Variants in NKD1 observed in about 807,000 individuals in gnomAD.
The protein encoded by NKD1 is NKD inhibitor of Wnt signaling pathway 1, also known as protein naked cuticle homolog 1.
Under a neutral mutation model 56.0 loss-of-function variants are expected in NKD1, and 21 were observed. The observed-to-expected ratio is 0.38, with a 90% CI of 0.27 to 0.54. The LOEUF is 0.54. Ranked by LOEUF, NKD1 falls within the 20% of genes least tolerant of loss-of-function variation. The pLI is 0.82. For missense variants in NKD1, 578 were observed against 642.7 expected, an observed-to-expected ratio of 0.90 and a Z score of 1.09; for synonymous variants, 263 against 265.7, an observed-to-expected ratio of 0.99 and a Z score of 0.10.
At chr16:50,629,264 C>G (rs1371862014) in intron 6 of NKD1, among the ~76,000 whole-genome samples, 1 of 152,148 alleles carries the variant, frequency 6.6e-6, no homozygotes, top group Non-Finnish European at 1.5e-5. Flanking sequence ...CCCTAGCTCT[C>G]CTCTTCTTCT....
At chr16:50,564,941 C>T (rs1004532264) in intron 3 of NKD1, among the ~76,000 whole-genome samples, 59 of 152,324 alleles carry the variant, frequency 3.9e-4, no homozygotes, top group African/African-American at 1.4e-3. Context: ...TAGTGGGCTC[C>T]TCAAGATACT....
rs894440684 is a variant in NKD1 at position 50,641,712 on chromosome 16, A to C, written c.*7931A>C. 4.6e-5 allele frequency: 7 copies of C among 152,242 alleles called. No individual in the cohort carries two copies. Among genetic ancestry groups the C allele is most frequent in the Non-Finnish European group, 7.3e-5 (5 of 68,080 alleles). 9.4% of individuals were successfully genotyped at this position (152,242 alleles called of 1,614,324 possible). ...CTAAGTTTTGGAGGTCAGTGATGCC[A>C]CTTAAAAACCTGTTCAGGGCAGAGC... is the stretch of plus-strand genomic sequence containing the variant. On this transcript the variant is annotated 3_prime_UTR_variant, in exon 10 of 10. Transcript: ENST00000268459.
intron 3 of NKD1, among the ~76,000 whole-genome samples, chr16:50,590,842 G>T (rs1331562542): frequency 6.6e-6 from 1 of 152,150 alleles, no homozygotes; most frequent in Non-Finnish European, 1.5e-5. Flanking sequence ...TGTTGAGATG[G>T]AGTCTCACTT....
At chr16:50,549,902 G>C (rs1395938690) in intron 3 of NKD1, among the ~76,000 whole-genome samples, 3 of 152,154 alleles carry the variant, frequency 2.0e-5, no homozygotes, top group Admixed American at 2.0e-4. Context: ...AGGTGGAGTA[G>C]GGGCTAGAGA....
chr16:50,607,797 T>C (rs16948650), intron 3 of NKD1: 2,525 of 164,294 alleles, frequency 0.015, 65 homozygotes, highest in African/African-American at 0.056. Flanking sequence ...CAAGGTATGG[T>C]CTAGCTTCTT....
At position 50,596,930 on chromosome 16, in the gene NKD1, G is replaced by A. The variant is rs766982794; in HGVS notation, c.193-11364G>A. ...TGTGAAGACCCTGAATGGGGAATGAGCTGAACCTGTTGGAGAAACAGCAAG... is the reference window on the plus strand; with the variant it reads ...TGTGAAGACCCTGAATGGGGAATGAACTGAACCTGTTGGAGAAACAGCAAG... On this transcript the variant is annotated intron_variant, in intron 3 of 9. Transcript: ENST00000268459. 2.7e-4 allele frequency among the ~76,000 whole-genome samples: 41 copies of A among 152,192 alleles called. 1 individual carries two copies. The highest frequency in any genetic ancestry group is 4.3e-4 in the Non-Finnish European group (29 of 68,034).
At chr16:50,576,571 A>G (rs924513179) in intron 3 of NKD1, among the ~76,000 whole-genome samples, 4 of 152,078 alleles carry the variant, frequency 2.6e-5, no homozygotes, top group African/African-American at 9.7e-5. Context: ...TATCCTGAAA[A>G]TGCACCAGAA....
intron 3 of NKD1, among the ~76,000 whole-genome samples, chr16:50,602,386 G>A (rs1961616189): frequency 6.6e-6 from 1 of 152,184 alleles, no homozygotes; most frequent in Admixed American, 6.5e-5. Context: ...TTCTAGAGAC[G>A]AGGGGGCCGA....
chr16:50,622,074 CTGGGGGTGCCTG>C (rs1417007840), intron 5 of NKD1, among the ~76,000 whole-genome samples: 8 of 152,200 alleles, frequency 5.3e-5, no homozygotes, highest in African/African-American at 1.9e-4. Context: ...TGAGGCTGTT[CTGGGGGTGCCTG>C]TGGGGGATCT....
intron 3 of NKD1, among the ~76,000 whole-genome samples, chr16:50,605,106 C>T (rs1961676856): frequency 1.3e-5 from 2 of 152,196 alleles, no homozygotes; most frequent in African/African-American, 4.8e-5. Flanking sequence ...CAAGTCCCCG[C>T]TCCGCCCCTT....
chr16:50,574,325 G>T (rs926430867), intron 3 of NKD1: 2 of 985,414 alleles, frequency 2.0e-6, no homozygotes, highest in Middle Eastern at 5.2e-4. Context: ...TCAGAACTGG[G>T]GGCTGAGGTG....
At chr16:50,611,796 A>G (rs1475935759) in intron 4 of NKD1, among the ~76,000 whole-genome samples, 1 of 152,170 alleles carries the variant, frequency 6.6e-6, no homozygotes, top group African/African-American at 2.4e-5. Context: ...CTGTGGCTCA[A>G]CTTCCTCACT....
intron 3 of NKD1, among the ~76,000 whole-genome samples, chr16:50,561,734 C>CA (rs1280227497): frequency 6.6e-5 from 10 of 152,174 alleles, no homozygotes; most frequent in African/African-American, 1.9e-4. Context: ...GAATTAGCAA[C>CA]AACACATTCT....
At chr16:50,601,759 G>A (rs1961601887) in intron 3 of NKD1, among the ~76,000 whole-genome samples, 1 of 152,128 alleles carries the variant, frequency 6.6e-6, no homozygotes, top group African/African-American at 2.4e-5. Flanking sequence ...TGTGGCTGTG[G>A]TGGGCTCAGG....
Position 50,642,289 on chromosome 16 carries a change from A to T in NKD1, c.*8508A>T, listed in dbSNP as rs1395116364. 1.3e-5 allele frequency: 2 copies of T among 152,248 alleles called. No homozygotes were observed. Among genetic ancestry groups the T allele is most frequent in the African/African-American group, 4.8e-5 (2 of 41,452 alleles). The allele number at this position is 152,248 out of a possible 1,614,324, so 9.4% of individuals were successfully genotyped here. On this transcript the variant is annotated 3_prime_UTR_variant, in exon 10 of 10. Transcript: ENST00000268459. ...GGCTGCATCTCACTGTTCAGGCTAG[A>T]GTCTGGTCCTTGCCCATCTGCAGGT... is the stretch of plus-strand genomic sequence containing the variant.
chr16:50,633,489 C>T lies in NKD1; in HGVS notation c.1121C>T (p.Ala374Val). The T allele has an allele frequency of 6.2e-7, 1 of 1,609,846 alleles. No individual in the cohort carries two copies. The highest frequency in any genetic ancestry group is 8.5e-7 in the Non-Finnish European group (1 of 1,178,158). Residue 374 changes from alanine (A) to valine (V), a missense_variant, in exon 10 of 10, where the codon GCC (alanine) becomes GTC (valine). Transcript: ENST00000268459. The surrounding 1 kb of genome is among the most constrained non-coding windows in gnomAD (Gnocchi z 4.9). ...AGAAACAAGCCCCCTCTGGGACCCG[C>T]CATCCCTGCGGTGTCCCCCTCCGCC... ...GARNKPPLGPAIPAVSPSAHL... is the reference protein window; with the variant it reads ...GARNKPPLGPVIPAVSPSAHL...
chr16:50,618,606 C>T (rs950468873), intron 4 of NKD1, among the ~76,000 whole-genome samples: 4 of 152,216 alleles, frequency 2.6e-5, no homozygotes, highest in African/African-American at 9.6e-5. Flanking sequence ...CTTCTAGCTA[C>T]TGGTTAGGGG....
At chr16:50,584,064 C>T (rs923274465) in intron 3 of NKD1, among the ~76,000 whole-genome samples, 2 of 152,196 alleles carry the variant, frequency 1.3e-5, no homozygotes, top group East Asian at 1.9e-4. Context: ...AGTTATTCCT[C>T]CCACATCTGC....
intron 3 of NKD1, 111 bp downstream of exon 3, chr16:50,549,666 T>C (rs1960333084): frequency 1.8e-6 from 2 of 1,103,300 alleles, no homozygotes; most frequent in Admixed American, 3.4e-5. Context: ...CTTCTGGGTC[T>C]GAAAATCTCT....
Sources: allele counts gnomAD v4.1 joint callset (sites outside exome capture counted in the v4.1 genomes callset), GRCh38; gene constraint gnomAD v4.1.1; non-coding constraint Gnocchi (gnomAD v3.1); transcripts MANE v1.5; gene names NCBI Gene and HGNC (gene_info 2026-07-23, HGNC 2026-07-21).